Variants in MAGED1 observed in about 807,000 individuals in gnomAD.
MAGED1 encodes the protein MAGE family member D1.
In MAGED1, 3 loss-of-function variants were observed where a neutral mutation model predicts 54.1. The ratio of observed to expected loss-of-function variants is 0.06; its 90% CI spans 0.03 to 0.14. The LOEUF is 0.14. Ranked by LOEUF, MAGED1 falls within the 10% of genes least tolerant of loss-of-function variation. The pLI is 1.00. For missense variants in MAGED1, 485 were observed against 623.4 expected, an observed-to-expected ratio of 0.78 and a Z score of 2.36; for synonymous variants, 217 against 227.3, an observed-to-expected ratio of 0.95 and a Z score of 0.41.
chrX:51,824,303 C>G (rs1925749070), intron 1 of MAGED1, among the ~76,000 whole-genome samples: 1 of 110,889 alleles, frequency 9.0e-6, no homozygotes, highest in Admixed American at 9.6e-5. Flanking sequence ...ATATAGAATT[C>G]TTGATTGCAG....
intron 1 of MAGED1, among the ~76,000 whole-genome samples, chrX:51,819,987 TA>T (rs1925564542): frequency 8.9e-6 from 1 of 111,895 alleles, no homozygotes; most frequent in Admixed American, 9.5e-5. Context: ...TGGTGTGAGA[TA>T]GGGGTCCAGT....
chrX:51,864,189 AGTGTGT>A (rs141456748), intron 1 of MAGED1, among the ~76,000 whole-genome samples: 3 of 100,428 alleles, frequency 3.0e-5, no homozygotes, highest in African/African-American at 1.1e-4. Flanking sequence ...AGAGAGAGAG[AGTGTGT>A]GTGTGTGTGT....
At chrX:51,814,966 TAAAAA>T (rs782352592) in intron 1 of MAGED1, among the ~76,000 whole-genome samples, 1 of 72,098 alleles carries the variant, frequency 1.4e-5, no homozygotes, top group African/African-American at 5.2e-5. Context: ...ACCTCTCTCT[TAAAAA>T]AAAAAAAAAA....
rs782473489 is a variant in MAGED1 at position 51,834,173 on chromosome X, T to G, written c.-37+31056T>G. On this transcript the variant is annotated intron_variant, in intron 1 of 12. Coordinates refer to the MAGED1 transcript ENST00000375772. ...TTAAAAGTCTCACTCCATTTTTTAA[T>G]GTTTGACTGCTGACAGCTTTGAAGT... Among the ~76,000 whole-genome samples, 139 of 111,875 alleles carry G rather than the reference T, an allele frequency of 1.2e-3. 2 individuals are homozygous for G. Among genetic ancestry groups the G allele is most frequent in the African/African-American group, 4.2e-3 (128 of 30,819 alleles).
intron 1 of MAGED1, among the ~76,000 whole-genome samples, chrX:51,846,931 G>A (rs1300929813): frequency 2.7e-5 from 3 of 111,610 alleles, no homozygotes; most frequent in Non-Finnish European, 5.6e-5. Flanking sequence ...GATCCAAACC[G>A]TATCAGTGAC....
intron 1 of MAGED1, among the ~76,000 whole-genome samples, chrX:51,808,485 G>A (rs1250872253): frequency 8.9e-6 from 1 of 111,986 alleles, no homozygotes; most frequent in East Asian, 2.8e-4. Flanking sequence ...GAGGTGGGAG[G>A]ACAACTTGAG....
At chrX:51,871,009 A>T (rs1341427994) in intron 1 of MAGED1, among the ~76,000 whole-genome samples, 2 of 112,417 alleles carry the variant, frequency 1.8e-5, no homozygotes, top group Non-Finnish European at 3.8e-5. Context: ...GAGAGGGTTC[A>T]GGCTGTATGT....
intron 1 of MAGED1, among the ~76,000 whole-genome samples, chrX:51,823,451 T>G (rs906007947): frequency 1.2e-4 from 14 of 112,079 alleles, no homozygotes; most frequent in Non-Finnish European, 2.4e-4. Flanking sequence ...CTCCTACTCT[T>G]TTTTGGGTAA....
intron 1 of MAGED1, among the ~76,000 whole-genome samples, chrX:51,831,121 TGCTGGGATTACAG>T (rs1430717309): frequency 8.9e-6 from 1 of 112,125 alleles, no homozygotes; most frequent in Non-Finnish European, 1.9e-5. Context: ...CCTTCCAAAG[TGCTGGGATTACAG>T]GCGTGAGCCA....
chrX:51,854,915 C>G (rs1927033097), intron 1 of MAGED1, among the ~76,000 whole-genome samples: 1 of 111,092 alleles, frequency 9.0e-6, no homozygotes, highest in Admixed American at 9.5e-5. Flanking sequence ...CCTTGCTTTC[C>G]TCTCCTAGTT....
chrX:51,900,546 C>G (rs199870369), intron 11 of MAGED1, among the ~76,000 whole-genome samples: 1 of 110,710 alleles, frequency 9.0e-6, no homozygotes, highest in East Asian at 2.8e-4. Context: ...TATTTTTTCC[C>G]AACTTTACTA....
chrX:51,836,886 T>C (rs1021844110), intron 1 of MAGED1, among the ~76,000 whole-genome samples: 3 of 111,794 alleles, frequency 2.7e-5, no homozygotes, highest in Non-Finnish European at 3.8e-5. Context: ...GTATACGCTG[T>C]TGAATACTCA....
intron 1 of MAGED1, among the ~76,000 whole-genome samples, chrX:51,833,575 A>G (rs1280971964): frequency 8.9e-6 from 1 of 111,779 alleles, no homozygotes; most frequent in Non-Finnish European, 1.9e-5. Context: ...GTTTTATTAC[A>G]TTTCATTTAT....
chrX:51,827,777 A>G lies in MAGED1; in HGVS notation c.-37+24660A>G, dbSNP rs1293650596. On this transcript the variant is annotated intron_variant, in intron 1 of 12. Transcript: ENST00000375772. ...CTTCTCTCTCCCACACCTTGCCCCA[A>G]TCCTCAGGCAATAATAAATGGTTTT... Among the ~76,000 whole-genome samples the G allele has an allele frequency of 2.7e-5, 3 of 111,819 alleles. No homozygotes were observed. The South Asian group carries it at 1.1e-3, about 42-fold the overall frequency.
At chrX:51,890,912 C>A (rs1928416181), upstream of MAGED1, among the ~76,000 whole-genome samples, 1 of 107,610 alleles carries the variant, frequency 9.3e-6, no homozygotes, top group African/African-American at 3.4e-5. Flanking sequence ...GAAATAAAGA[C>A]AAACATTAAT....
At chrX:51,863,294 G>T (rs1325775593) in intron 1 of MAGED1, among the ~76,000 whole-genome samples, 3 of 112,425 alleles carry the variant, frequency 2.7e-5, no homozygotes, top group African/African-American at 9.7e-5. Flanking sequence ...CAAATGGCAG[G>T]ATTTCCTTTA....
At chrX:51,810,195 C>T (rs1419517141) in intron 1 of MAGED1, among the ~76,000 whole-genome samples, 8 of 110,810 alleles carry the variant, frequency 7.2e-5, no homozygotes, top group African/African-American at 2.6e-4. Context: ...TTGTTGGCGT[C>T]CTTGCTTTTT....
chrX:51,877,680 G>T (rs1249288707), intron 1 of MAGED1, among the ~76,000 whole-genome samples: 2 of 111,508 alleles, frequency 1.8e-5, no homozygotes, highest in Non-Finnish European at 3.8e-5. Context: ...TTATCATAAA[G>T]AATTTTGCAA....
chrX:51,836,298 G>C lies in MAGED1; in HGVS notation c.-37+33181G>C, dbSNP rs1391886711. 4.5e-5 allele frequency among the ~76,000 whole-genome samples: 5 copies of C among 109,988 alleles called. No homozygotes were observed. In the Admixed American group the frequency reaches 4.9e-4, roughly 11 times the overall value. The stretch of plus-strand genomic sequence containing the variant: ...GTGGATTTTACCTTGTTGGATGCTA[G>C]ATATTTTTATATAACTAAAAATTTC... On this transcript the variant is annotated intron_variant, in intron 1 of 12. Coordinates refer to the MAGED1 transcript ENST00000375772.
Sources: allele counts gnomAD v4.1 joint callset (sites outside exome capture counted in the v4.1 genomes callset), GRCh38; gene constraint gnomAD v4.1.1; transcripts MANE v1.5; gene names NCBI Gene and HGNC (gene_info 2026-07-23, HGNC 2026-07-21).